CDH23: variants seen among roughly 807,000 people sequenced by gnomAD.
The protein encoded by CDH23 is cadherin-23.
Under a neutral mutation model 317.1 loss-of-function variants are expected in CDH23, and 189 were observed. The ratio of observed to expected loss-of-function variants is 0.60; its 90% CI spans 0.53 to 0.67. The LOEUF (loss-of-function observed/expected upper bound fraction) is 0.67. Ranked by LOEUF, CDH23 falls within the 30% of genes least tolerant of loss-of-function variation. CDH23 has a pLI of 0.00. For missense variants in CDH23, 4,401 were observed against 4,592.4 expected, an observed-to-expected ratio of 0.96 and a Z score of 1.20; for synonymous variants, 1,839 against 1,876.8, an observed-to-expected ratio of 0.98 and a Z score of 0.52.
In CDH23 at chr10:71,724,094, G is replaced by A. The variant is rs765153195; in HGVS notation, c.3419G>A (p.Arg1140His). 23 of 1,558,354 alleles carry A rather than the reference G, an allele frequency of 1.5e-5. No homozygotes were observed. Among genetic ancestry groups the A allele is most frequent in the African/African-American group, 1.4e-4 (10 of 73,468 alleles). The change falls in exon 29 of 70, where the codon CGC (arginine) becomes CAC (histidine). Residue 1140 changes from arginine to histidine, a missense_variant. This residue lies in a region of CDH23 where 3,068 missense variants were observed against 3,203.3 expected (regional missense o/e 0.96). Coordinates refer to ENST00000224721, the MANE Select transcript of CDH23 (RefSeq NM_022124.6). ...GGCGAGTTTGGGCGTGTGTGGTACC[G>A]CATCCTCCATGGTAAGTGGGGCTGC... ...DEGEFGRVWY[R>H]ILHGNHGNNF...
chr10:71,679,437 C>A lies in CDH23; in HGVS notation c.1803C>A (p.Val601=). Reference sequence around the variant, plus strand: ...ACAACCAGATCACCTACAGCATTGTCAGTGCATCTGCCTTTGGCAGCTACT... The same window carrying A: ...ACAACCAGATCACCTACAGCATTGTAAGTGCATCTGCCTTTGGCAGCTACT... ...PPNNQITYSI[V]SASAFGSYFD... The change falls in exon 17 of 70, where the codon GTC becomes GTA. Residue 601 remains valine (V), a synonymous_variant. Transcript: ENST00000224721. 6.2e-7 allele frequency: 1 copy of A among 1,613,684 alleles called. No homozygotes were observed. The highest frequency in any genetic ancestry group is 1.1e-5 in the South Asian group (1 of 90,986).
At chr10:71,503,850 C>A (rs370293745) in intron 3 of CDH23, among the ~76,000 whole-genome samples, 1 of 152,012 alleles carries the variant, frequency 6.6e-6, no homozygotes, top group African/African-American at 2.4e-5. Flanking sequence ...AGGGTAGGAA[C>A]CTTCCCAGCC....
chr10:71,475,214 G>C (rs1016339273), intron 3 of CDH23, among the ~76,000 whole-genome samples: 2 of 152,346 alleles, frequency 1.3e-5, no homozygotes, highest in Non-Finnish European at 1.5e-5. Context: ...CATTCACCTG[G>C]CTTAGCCCTC....
chr10:71,774,561 G>C (rs1840773923), intron 38 of CDH23, among the ~76,000 whole-genome samples: 1 of 152,180 alleles, frequency 6.6e-6, no homozygotes, highest in Non-Finnish European at 1.5e-5. Flanking sequence ...ATGTTTCTGA[G>C]ACCCTAGCAC....
chr10:71,458,702 T>A (rs1162067396), intron 3 of CDH23, among the ~76,000 whole-genome samples: 3 of 152,270 alleles, frequency 2.0e-5, no homozygotes, highest in African/African-American at 7.2e-5. Context: ...ATGATCACAC[T>A]GTATTTACTA....
chr10:71,513,024 C>T (rs1307331563), intron 6 of CDH23, among the ~76,000 whole-genome samples: 1 of 152,148 alleles, frequency 6.6e-6, no homozygotes, highest in Non-Finnish European at 1.5e-5. Flanking sequence ...CCATGGCCCT[C>T]CTTATCTAAT....
intron 6 of CDH23, among the ~76,000 whole-genome samples, chr10:71,521,428 C>T (rs1854674064): frequency 6.6e-6 from 1 of 152,220 alleles, no homozygotes; most frequent in Non-Finnish European, 1.5e-5. Context: ...ACGAACCCTC[C>T]ATTTCAGAAA....
intron 14 of CDH23, among the ~76,000 whole-genome samples, chr10:71,658,670 T>C (rs1863518884): frequency 6.6e-6 from 1 of 152,222 alleles, no homozygotes. Flanking sequence ...TCCCTGTCTC[T>C]TCTGTACCCA....
At position 71,777,706 on chromosome 10, in the gene CDH23, T is replaced by G. The variant is rs1439933341; in HGVS notation, c.4872T>G (p.Ile1624Met). The G allele has an allele frequency of 6.2e-7, 1 of 1,613,030 alleles. No individual in the cohort carries two copies. Among genetic ancestry groups the G allele is most frequent in the South Asian group, 1.1e-5 (1 of 90,870 alleles). The change falls in exon 39 of 70, where the codon ATT becomes ATG. Residue 1624 changes from isoleucine to methionine, a missense_variant. Ile to Met is a conservative substitution (Grantham distance 10, BLOSUM62 1). Around this residue, in one of 3 missense-constraint regions of CDH23, gnomAD observed 3,068 missense variants for 3,203.3 expected, o/e 0.96. Transcript: ENST00000224721. ...LSATTHVYVT[I>M]VDENDNAPMF... ...CCACCACGCACGTGTACGTGACCATTGTGGATGAGAATGATAACGCGCCCA... is the reference window on the plus strand; with the variant it reads ...CCACCACGCACGTGTACGTGACCATGGTGGATGAGAATGATAACGCGCCCA...
At chr10:71,417,651 C>G (rs892003205) in intron 1 of CDH23, among the ~76,000 whole-genome samples, 4 of 152,142 alleles carry the variant, frequency 2.6e-5, no homozygotes, top group African/African-American at 7.2e-5. Flanking sequence ...TCTCTATCAC[C>G]CAGGTTAGAG....
intron 37 of CDH23, among the ~76,000 whole-genome samples, chr10:71,741,313 C>G (rs938903417): frequency 6.6e-6 from 1 of 152,164 alleles, no homozygotes; most frequent in Non-Finnish European, 1.5e-5. Context: ...GTTGGACGTT[C>G]ATGAAGGCAG....
chr10:71,690,137 T>G (rs528487758), intron 19 of CDH23, among the ~76,000 whole-genome samples: 2 of 152,156 alleles, frequency 1.3e-5, no homozygotes, highest in African/African-American at 4.8e-5. Context: ...CAAGTGACAG[T>G]TGGCCAATCT....
rs149932184 is a variant in CDH23 at position 71,708,628 on chromosome 10, C to T, written c.3107-470C>T. Among the ~76,000 whole-genome samples the T allele has an allele frequency of 3.0e-3, 461 of 152,328 alleles. 1 individual carries two copies. The highest frequency in any genetic ancestry group is 5.6e-3 in the Non-Finnish European group (383 of 68,012). ...TTCGCTCCTCAGCCCATCTCACCTC[C>T]GAGATGAGGGGCCTGGGGGATGCTC... On this transcript the variant is annotated intron_variant, in intron 26 of 69. Transcript: ENST00000224721.
intron 9 of CDH23, among the ~76,000 whole-genome samples, chr10:71,596,295 C>T (rs1321272428): frequency 6.6e-6 from 1 of 152,156 alleles, no homozygotes; most frequent in Non-Finnish European, 1.5e-5. Context: ...CCCCATTTCA[C>T]AGATAAGGAA....
rs1470687193 is a variant in CDH23, at chr10:71,702,168, T to C, written c.2544T>C (p.His848=). ...TGGACCGGGAGAACCCCGACCCCCA[T>C]GAGGCCGAGCTGATGCGCAAAATCG... ...AMLDRENPDP[H]EAELMRKIVV... is the part of the protein sequence containing the mutation. The change falls in exon 23 of 70, where the codon CAT becomes CAC. Residue 848 remains histidine, a synonymous_variant. Coordinates refer to ENST00000224721, the MANE Select transcript of CDH23 (RefSeq NM_022124.6). 1.9e-6 allele frequency: 3 copies of C among 1,613,858 alleles called. No homozygotes were observed. The highest frequency in any genetic ancestry group is 2.5e-6 in the Non-Finnish European group (3 of 1,179,872).
chr10:71,644,158 A>G (rs1377104612), intron 12 of CDH23, among the ~76,000 whole-genome samples: 2 of 152,196 alleles, frequency 1.3e-5, no homozygotes, highest in Non-Finnish European at 2.9e-5. Context: ...CCACAGCCTG[A>G]CAGGCCCAGA....
At chr10:71,523,763 G>A (rs1264522544) in intron 6 of CDH23, among the ~76,000 whole-genome samples, 2 of 152,128 alleles carry the variant, frequency 1.3e-5, no homozygotes, top group African/African-American at 4.8e-5. Context: ...TTGAGTCCCT[G>A]GGATGTGCCA....
chr10:71,570,037 A>G (rs1198149214), intron 7 of CDH23, among the ~76,000 whole-genome samples: 3 of 152,068 alleles, frequency 2.0e-5, no homozygotes. Flanking sequence ...AGCAGCTGGG[A>G]CTACAGATGC....
intron 9 of CDH23, among the ~76,000 whole-genome samples, chr10:71,581,829 A>G (rs1169560538): frequency 6.6e-6 from 1 of 152,062 alleles, no homozygotes; most frequent in East Asian, 1.9e-4. Context: ...GTCTCAACAG[A>G]CACCCCCTCT....
Sources: gnomAD v4.1 joint callset for allele counts (sites outside exome capture counted in the v4.1 genomes callset) on GRCh38, gnomAD v4.1.1 for gene constraint, gnomAD v4.1.1 regional missense constraint, MANE v1.5 for transcripts, NCBI Gene and HGNC (gene_info 2026-07-23, HGNC 2026-07-21) for gene names.